The following ACAP3 variants were observed in gnomAD, a reference collection of about 807,000 sequenced individuals.
ACAP3 encodes arf-GAP with coiled-coil, ANK repeat and PH domain-containing protein 3.
Under a neutral mutation model 104.1 loss-of-function variants are expected in ACAP3, and 56 were observed. The ratio of observed to expected loss-of-function variants is 0.54; its 90% confidence interval spans 0.43 to 0.67. The LOEUF (loss-of-function observed/expected upper bound fraction) is 0.67, where lower values mean the gene tolerates loss of function less well. ACAP3 is among the 30% of genes least tolerant of loss of function. The pLI is 0.00. For missense variants in ACAP3, 1,208 were observed against 1,174.9 expected, an observed-to-expected ratio of 1.03 and a Z score of -0.41; for synonymous variants, 628 against 496.2, an observed-to-expected ratio of 1.27 and a Z score of -3.53.
At chr1:1,307,412 G>A in intron 1 of ACAP3, 2 of 1,292,212 alleles carry the variant, frequency 1.5e-6, no homozygotes, top group Non-Finnish European at 2.0e-6. Context: ...CAGAGACCAG[G>A]GGCCGACGCC....
At chr1:1,296,691 C>T (rs1000313532) in intron 14 of ACAP3, 58 bp from the exon 15 acceptor site, 6 of 1,497,286 alleles carry the variant, frequency 4.0e-6, no homozygotes, top group Non-Finnish European at 3.6e-6. Flanking sequence ...GTTTCCCCAG[C>T]AGGCCCCCTC....
chr1:1,305,121 G>C (rs896975240), intron 1 of ACAP3: 1 of 152,456 alleles, frequency 6.6e-6, no homozygotes, highest in Admixed American at 6.5e-5. Flanking sequence ...TTTACATGGG[G>C]CGTGTCCTCA....
chr1:1,296,144 A>T (rs958718762), intron 16 of ACAP3, 35 bp from the exon 17 acceptor site: 1 of 1,611,222 alleles, frequency 6.2e-7, no homozygotes, highest in Non-Finnish European at 8.5e-7. Context: ...CATCAGTGCG[A>T]ACCTGCAGAC....
In ACAP3 at chr1:1,300,672, T is replaced by C; in HGVS notation, c.359A>G (p.Glu120Gly). ...CACCTTGTCAAACTGCTTCTTTGTC[T>C]CCTTGAACTTCCGCACATCCCTGGA... The part of the protein sequence containing the change: ...FVKEDVRKFK[E>G]TKKQFDKVRE... Residue 120 changes from glutamate (E) to glycine (G), a missense_variant, in exon 6 of 24, where the codon GAG becomes GGG. By Grantham distance (98) the Glu-to-Gly change is moderately conservative. Coordinates refer to ENST00000354700, the MANE Select transcript of ACAP3 (RefSeq NM_030649.3). 6.2e-7 allele frequency: 1 copy of C among 1,607,766 alleles called. No individual in the cohort carries two copies. The highest frequency in any genetic ancestry group is 8.5e-7 in the Non-Finnish European group (1 of 1,178,336).
In ACAP3 at chr1:1,303,001, C is replaced by A. The variant is rs1399830301; in HGVS notation, c.226-26G>T. 1 of 1,602,112 alleles carries A rather than the reference C, an allele frequency of 6.2e-7. No homozygotes were observed. The highest frequency in any genetic ancestry group is 8.5e-7 in the Non-Finnish European group (1 of 1,173,932). ...CTGGAGGAGCAGATGGGAACCCGTG[C>A]TGAGATGGCAAATCCGGGCCCAGGT... On this transcript the variant is annotated intron_variant, in intron 3 of 23. Coordinates refer to ENST00000354700, the MANE Select transcript of ACAP3 (RefSeq NM_030649.3). This position sits in a 1 kb window ranked among gnomAD's most constrained non-coding sequence, Gnocchi z 4.0.
At chr1:1,297,017 C>T (rs528706514) in intron 14 of ACAP3, among the ~76,000 whole-genome samples, 5 of 152,360 alleles carry the variant, frequency 3.3e-5, no homozygotes, top group Non-Finnish European at 7.3e-5. Flanking sequence ...GCCAGCATGC[C>T]AGTGCACACC....
chr1:1,306,877 G>A (rs1340771827), intron 1 of ACAP3, among the ~76,000 whole-genome samples: 2 of 152,246 alleles, frequency 1.3e-5, no homozygotes, highest in East Asian at 3.8e-4. Context: ...CACACAGACA[G>A]GTGGTGTGTG....
rs755640116 is a variant in ACAP3, at chr1:1,297,874, T to C, written c.1076A>G (p.Gln359Arg). 2 of 1,611,856 alleles carry C rather than the reference T, an allele frequency of 1.2e-6. No homozygotes were observed. The highest frequency in any genetic ancestry group is 1.7e-6 in the Non-Finnish European group (2 of 1,179,490). Residue 359 changes from glutamine to arginine, a missense_variant, in exon 14 of 24, where the codon CAG becomes CGG. Physicochemically the swap from Gln to Arg is conservative, Grantham distance 43 (BLOSUM62 1). Coordinates refer to ENST00000354700, the MANE Select transcript of ACAP3 (RefSeq NM_030649.3). ...KLRQAWVQAV[Q>R]ASIASAYRES... ...GCGGTAGGCGGAGGCGATGCTGGCC[T>C]GCACAGCCTGGACCCAGGCTTGCCG...
chr1:1,293,847 G>T lies in ACAP3; in HGVS notation c.2336C>A (p.Ala779Glu). 1 of 1,580,164 alleles carries T rather than the reference G, an allele frequency of 6.3e-7. No homozygotes were observed. Among genetic ancestry groups the T allele is most frequent in the Non-Finnish European group, 8.6e-7 (1 of 1,166,460 alleles). ...QRDPLAIAVQ[A>E]ANADIVTLLR... ...CAGTGTCACGATGTCAGCGTTGGCC[G>T]CCTGCACTGCGATGGCCAACGGGTC... The change falls in exon 23 of 24, where the codon GCG (alanine) becomes GAG (glutamate). Residue 779 changes from alanine (A) to glutamate (E), a missense_variant. Transcript: ENST00000354700.
intron 1 of ACAP3, 100 bp from the exon 2 acceptor site, chr1:1,304,243 G>C: frequency 7.0e-7 from 1 of 1,427,846 alleles, no homozygotes. Flanking sequence ...CCATGGGAAG[G>C]GGCTTTCAGG....
At position 1,296,331 on chromosome 1, in the gene ACAP3, C is replaced by T. The variant is rs958907731; in HGVS notation, c.1338-51G>A. On this transcript the variant is annotated intron_variant, in intron 15 of 23. Transcript: ENST00000354700. ...CTGGGGGAGGCAAGGCCCCCAGCTCCGGCCCAACCCCCACCCCCGGCCTGG... is the reference window on the plus strand; with the variant it reads ...CTGGGGGAGGCAAGGCCCCCAGCTCTGGCCCAACCCCCACCCCCGGCCTGG... The T allele has an allele frequency of 6.0e-5, 93 of 1,549,220 alleles. 1 individual carries two copies. Among genetic ancestry groups the T allele is most frequent in the South Asian group, 3.0e-4 (25 of 84,062 alleles).
intron 1 of ACAP3, among the ~76,000 whole-genome samples, chr1:1,306,672 CCA>C (rs749925926): frequency 2.0e-5 from 3 of 152,208 alleles, no homozygotes; most frequent in Non-Finnish European, 4.4e-5. Flanking sequence ...GCGTGCACAC[CCA>C]CACATACACA....
intron 17 of ACAP3, 28 bp downstream of exon 17, chr1:1,295,987 G>C (rs1369244701): frequency 6.2e-7 from 1 of 1,612,618 alleles, no homozygotes; most frequent in African/African-American, 1.3e-5. Context: ...GGGGCTCCCT[G>C]ACTGATCCAG....
chr1:1,307,064 G>T, intron 1 of ACAP3: 1 of 767,584 alleles, frequency 1.3e-6, no homozygotes. Flanking sequence ...CCTCACGCAG[G>T]TGCGCACTTG....
intron 1 of ACAP3, 50 bp from the exon 2 acceptor site, chr1:1,304,193 C>A (rs1036413029): frequency 6.5e-7 from 1 of 1,546,612 alleles, no homozygotes; most frequent in East Asian, 2.4e-5. Flanking sequence ...TCAGCCCCCT[C>A]GGGGCTTCAC....
Position 1,301,993 on chromosome 1 carries a change from G to A in ACAP3, c.333C>T (p.Val111=), listed in dbSNP as rs1641466021. Residue 111 remains valine (V), a synonymous_variant, in exon 5 of 24, where the codon GTC becomes GTT. Transcript: ENST00000354700. ...CAGCCCTGGGGGCCACTCACTCTTT[G>A]ACAAAGCTCTGGAGCTGCTGCCGCA... The part of the protein sequence containing the change: ...RSVRQQLQSF[V]KEDVRKFKET... 1 of 1,571,228 alleles carries A rather than the reference G, an allele frequency of 6.4e-7. No homozygotes were observed. Among genetic ancestry groups the A allele is most frequent in the Non-Finnish European group, 8.6e-7 (1 of 1,157,392 alleles).
In ACAP3 at chr1:1,299,332, C is replaced by T. The variant is rs576317898; in HGVS notation, c.750+13G>A. ...CCCGACCCACAGCCCGCCCAGGGCC[C>T]GTGCTCACTTACCTGCAGCAGCGTC... On this transcript the variant is annotated intron_variant, in intron 10 of 23. Transcript: ENST00000354700. The T allele has an allele frequency of 5.0e-6, 8 of 1,594,332 alleles. No individual in the cohort carries two copies. The African/African-American group carries it at 6.7e-5, about 13-fold the overall frequency.
chr1:1,304,483 C>G (rs1641596768), intron 1 of ACAP3: 2 of 452,402 alleles, frequency 4.4e-6, no homozygotes, highest in Non-Finnish European at 8.2e-6. Context: ...TCTAGGAGTT[C>G]AGAGTCAACC....
In ACAP3 at chr1:1,293,585, G is replaced by A; in HGVS notation, c.2484C>T (p.Ser828=). 3.3e-6 allele frequency: 5 copies of A among 1,493,726 alleles called. No individual in the cohort carries two copies. Among genetic ancestry groups the A allele is most frequent in the South Asian group, 1.2e-5 (1 of 81,352 alleles). 92.5% of individuals were successfully genotyped at this position (1,493,726 alleles called of 1,614,324 possible). ...QFRRCIQEFI[S]LHLEES ...GGCCCTAGCTCTCTTCCAGGTGGAG[G>A]CTGATGAACTCCTGGATACACCTGC... Residue 828 remains serine (S), a synonymous_variant, in exon 24 of 24, where the codon AGC becomes AGT. Transcript: ENST00000354700.
Sources: gnomAD v4.1 joint callset for allele counts (sites outside exome capture counted in the v4.1 genomes callset) on GRCh38, gnomAD v4.1.1 for gene constraint, Gnocchi (gnomAD v3.1) non-coding constraint, MANE v1.5 for transcripts, NCBI Gene and HGNC (gene_info 2026-07-23, HGNC 2026-07-21) for gene names.